Variants in HACE1 observed in about 807,000 individuals in gnomAD.
HACE1 encodes the protein E3 ubiquitin-protein ligase HACE1.
A neutral mutation model predicts 118.4 loss-of-function variants in HACE1; 73 were observed. The ratio of observed to expected loss-of-function variants is 0.62; its 90% CI spans 0.51 to 0.75. The LOEUF (loss-of-function observed/expected upper bound fraction) is 0.75. Among genes scored for constraint, HACE1 ranks in the 30% least tolerant of loss-of-function variants. HACE1 has a pLI of 0.00. For synonymous variants in HACE1, 368 were observed against 374.8 expected, an observed-to-expected ratio of 0.98 and a Z score of 0.21; for missense variants, 749 against 1,102.2, an observed-to-expected ratio of 0.68 and a Z score of 4.54.
At chr6:104,758,479 C>T (rs545378742) in intron 19 of HACE1, among the ~76,000 whole-genome samples, 4 of 152,124 alleles carry the variant, frequency 2.6e-5, no homozygotes, top group African/African-American at 2.4e-5. Context: ...AAATAAAATC[C>T]TTTCCAGACA....
chr6:104,843,340 A>C (rs1049973731), intron 4 of HACE1, 42 bp from the exon 5 acceptor site: 1 of 868,808 alleles, frequency 1.2e-6, no homozygotes, highest in Non-Finnish European at 2.0e-6. Flanking sequence ...TACTTAAAAA[A>C]TATATGCAAA....
intron 3 of HACE1, among the ~76,000 whole-genome samples, chr6:104,850,541 C>G (rs1032382848): frequency 1.3e-5 from 2 of 152,100 alleles, no homozygotes; most frequent in African/African-American, 4.8e-5. Context: ...TCATTCTCCA[C>G]CTATGTAAAA....
At chr6:104,804,277 T>C (rs1040029555) in intron 7 of HACE1, among the ~76,000 whole-genome samples, 3 of 152,186 alleles carry the variant, frequency 2.0e-5, no homozygotes, top group African/African-American at 4.8e-5. Context: ...ATCGTGAAAA[T>C]GGCCATACTG....
At chr6:104,859,287 G>A (rs1582817115) in intron 1 of HACE1, 1 of 416,874 alleles carries the variant, frequency 2.4e-6, no homozygotes, top group South Asian at 3.4e-5. Flanking sequence ...CCTTTGCCAA[G>A]ACCCCTAATC....
chr6:104,736,603 T>C (rs1250322129), intron 22 of HACE1, among the ~76,000 whole-genome samples: 1 of 152,200 alleles, frequency 6.6e-6, no homozygotes, highest in African/African-American at 2.4e-5. Context: ...AACAAATCTT[T>C]AATACCTAAA....
chr6:104,747,257 G>A (rs1335396697), intron 20 of HACE1, among the ~76,000 whole-genome samples: 1 of 151,966 alleles, frequency 6.6e-6, no homozygotes, highest in African/African-American at 2.4e-5. Context: ...AGCATCACAC[G>A]ATTCAGTGTT....
intron 4 of HACE1, among the ~76,000 whole-genome samples, chr6:104,848,494 C>A (rs141516522): frequency 1.3e-4 from 19 of 151,030 alleles, no homozygotes; most frequent in African/African-American, 4.1e-4. Context: ...AATATAAGTT[C>A]TTCAAGTCCT....
intron 11 of HACE1, among the ~76,000 whole-genome samples, chr6:104,788,880 T>C (rs1363710464): frequency 2.0e-5 from 3 of 152,116 alleles, no homozygotes; most frequent in African/African-American, 7.2e-5. Flanking sequence ...TAACAGGATG[T>C]TAAACAATTT....
intron 10 of HACE1, 92 bp from the exon 11 acceptor site, chr6:104,791,746 G>T: frequency 1.2e-6 from 1 of 807,128 alleles, no homozygotes; most frequent in Non-Finnish European, 2.0e-6. Context: ...CTGACCATCT[G>T]TTTCATATTA....
At chr6:104,775,075 C>T (rs1482736715) in intron 17 of HACE1, among the ~76,000 whole-genome samples, 3 of 152,184 alleles carry the variant, frequency 2.0e-5, no homozygotes, top group South Asian at 2.1e-4. Flanking sequence ...GACGTAGTAG[C>T]TTACACCTGT....
intron 10 of HACE1, among the ~76,000 whole-genome samples, chr6:104,792,504 T>C (rs1181602394): frequency 1.3e-5 from 2 of 152,180 alleles, no homozygotes; most frequent in African/African-American, 2.4e-5. Context: ...TGGTTGATGG[T>C]GGTTTTATTT....
chr6:104,804,909 G>C lies in HACE1; in HGVS notation c.617+6402C>G, dbSNP rs557653551. Among the ~76,000 whole-genome samples the C allele has an allele frequency of 9.2e-5, 14 of 152,306 alleles. No homozygotes were observed. In the South Asian group the frequency reaches 1.2e-3, roughly 14 times the overall value. ...TGCACAGCAAAAGAAACTACCATCA[G>C]AGTGAACAGGCAACCTACAGAATGG... is the stretch of plus-strand genomic sequence containing the variant. On this transcript the variant is annotated intron_variant, in intron 7 of 23. Coordinates refer to ENST00000262903, the MANE Select transcript of HACE1 (RefSeq NM_020771.4).
chr6:104,804,774 G>T (rs1040978912), intron 7 of HACE1, among the ~76,000 whole-genome samples: 1 of 152,088 alleles, frequency 6.6e-6, no homozygotes, highest in Admixed American at 6.6e-5. Context: ...AACCTAGGCA[G>T]TACCATTCAA....
At chr6:104,859,263 C>A (rs1777060007) in intron 1 of HACE1, 2 of 365,244 alleles carry the variant, frequency 5.5e-6, no homozygotes, top group Admixed American at 1.0e-4. Context: ...GGGCCTCCGG[C>A]TGGTATTCCT....
At chr6:104,831,918 A>AG (rs1554258929) in intron 6 of HACE1, among the ~76,000 whole-genome samples, 6 of 62,878 alleles carry the variant, frequency 9.5e-5, no homozygotes, top group South Asian at 9.3e-4. Context: ...AGAAAAGAGA[A>AG]AGAAGAGAAG....
intron 6 of HACE1, among the ~76,000 whole-genome samples, chr6:104,818,464 G>C (rs1265555279): frequency 6.6e-6 from 1 of 152,004 alleles, no homozygotes. Flanking sequence ...GATATACAAA[G>C]AAAAGCTGCT....
intron 7 of HACE1, among the ~76,000 whole-genome samples, chr6:104,805,910 A>G (rs1770943005): frequency 6.6e-6 from 1 of 152,310 alleles, no homozygotes; most frequent in Non-Finnish European, 1.5e-5. Flanking sequence ...GGTATCATAC[A>G]CAGGAGGATA....
At chr6:104,758,702 C>T (rs781254522) in intron 19 of HACE1, among the ~76,000 whole-genome samples, 1 of 152,056 alleles carries the variant, frequency 6.6e-6, no homozygotes, top group Non-Finnish European at 1.5e-5. Context: ...CATAACAATA[C>T]AAACCTTAAA....
At chr6:104,855,806 G>A (rs2114379358) in intron 1 of HACE1, among the ~76,000 whole-genome samples, 2 of 152,274 alleles carry the variant, frequency 1.3e-5, no homozygotes, top group Non-Finnish European at 2.9e-5. Context: ...ACTGTTATTT[G>A]TGGGTTTAAA....
Sources: allele counts gnomAD v4.1 joint callset (sites outside exome capture counted in the v4.1 genomes callset), GRCh38; gene constraint gnomAD v4.1.1; transcripts MANE v1.5; gene names NCBI Gene and HGNC (gene_info 2026-07-23, HGNC 2026-07-21).